The following ZFHX4 variants were observed in gnomAD, a reference collection of about 807,000 sequenced individuals.
The protein encoded by ZFHX4 is zinc finger homeobox 4, also known as zinc finger homeobox protein 4.
In ZFHX4, 56 loss-of-function variants were observed where a neutral mutation model predicts 267.6. That is an observed-to-expected ratio of 0.21 (90% CI 0.17 to 0.26). The LOEUF is 0.26. Among genes scored for constraint, ZFHX4 ranks in the 10% least tolerant of loss-of-function variants. ZFHX4 has a pLI of 1.00. For synonymous variants in ZFHX4, 1,778 were observed against 1,665.6 expected, an observed-to-expected ratio of 1.07 and a Z score of -1.64; for missense variants, 4,332 against 4,420.0, an observed-to-expected ratio of 0.98 and a Z score of 0.56.
intron 3 of ZFHX4, among the ~76,000 whole-genome samples, chr8:76,709,409 A>G (rs183311287): frequency 6.6e-6 from 1 of 152,312 alleles, no homozygotes; most frequent in Admixed American, 6.5e-5. Flanking sequence ...AAAATATAAT[A>G]TAAAGGATTA....
At chr8:76,738,214 G>A (rs1055079594) in intron 3 of ZFHX4, among the ~76,000 whole-genome samples, 1 of 152,070 alleles carries the variant, frequency 6.6e-6, no homozygotes, top group Non-Finnish European at 1.5e-5. Flanking sequence ...ACCCAGCCTT[G>A]CCCCTGAACC....
intron 4 of ZFHX4, among the ~76,000 whole-genome samples, chr8:76,795,265 A>T (rs1178127389): frequency 1.3e-5 from 2 of 152,012 alleles, no homozygotes; most frequent in African/African-American, 4.8e-5. Context: ...AGCCATATTA[A>T]TTTTTTTGTT....
chr8:76,712,553 G>A (rs1808454058), intron 3 of ZFHX4, among the ~76,000 whole-genome samples: 1 of 151,936 alleles, frequency 6.6e-6, no homozygotes, highest in African/African-American at 2.4e-5. Flanking sequence ...GTCCCGGTGT[G>A]ATGGTAAAGG....
At chr8:76,696,745 T>C (rs1243071351) in intron 1 of ZFHX4, among the ~76,000 whole-genome samples, 1 of 151,910 alleles carries the variant, frequency 6.6e-6, no homozygotes, top group Non-Finnish European at 1.5e-5. Flanking sequence ...CAATATTTCA[T>C]CTAGAAGAAA....
chr8:76,848,075 C>T (rs1812410743), intron 6 of ZFHX4, among the ~76,000 whole-genome samples: 1 of 152,044 alleles, frequency 6.6e-6, no homozygotes, highest in South Asian at 2.1e-4. Context: ...TAGAAATACT[C>T]ATAATAAACA....
At position 76,708,000 on chromosome 8, in the gene ZFHX4, C is replaced by T; in HGVS notation, c.3045C>T (p.Arg1015=). 6.2e-7 allele frequency: 1 copy of T among 1,613,946 alleles called. No homozygotes were observed. The highest frequency in any genetic ancestry group is 1.1e-5 in the South Asian group (1 of 91,084). Residue 1015 remains arginine, a synonymous_variant, in exon 3 of 11, where the codon CGC becomes CGT. Transcript: ENST00000651372. Reference sequence around the variant, plus strand: ...ACACCAACAGTGTGGATAAATTACGCTTGCATACCACCAATCACAGGCACG... The same window carrying T: ...ACACCAACAGTGTGGATAAATTACGTTTGCATACCACCAATCACAGGCACG... ...DYYTNSVDKL[R]LHTTNHRHEA... is the part of the protein sequence containing the mutation.
At chr8:76,780,578 G>A (rs1810521694) in intron 4 of ZFHX4, among the ~76,000 whole-genome samples, 1 of 152,084 alleles carries the variant, frequency 6.6e-6, no homozygotes, top group Non-Finnish European at 1.5e-5. Flanking sequence ...TTAGCAGTTG[G>A]CTCTTATCTA....
At chr8:76,715,505 A>G (rs1402210209) in intron 3 of ZFHX4, among the ~76,000 whole-genome samples, 1 of 150,818 alleles carries the variant, frequency 6.6e-6, no homozygotes, top group Admixed American at 6.6e-5. Flanking sequence ...AAAAAAAAAA[A>G]AAAGAAATGC....
intron 10 of ZFHX4, among the ~76,000 whole-genome samples, chr8:76,857,700 T>C (rs1257902777): frequency 6.6e-6 from 1 of 152,132 alleles, no homozygotes; most frequent in Non-Finnish European, 1.5e-5. Flanking sequence ...TCATACCAAC[T>C]TCCCTCACCC....
chr8:76,754,451 T>C (rs1003388927), intron 3 of ZFHX4, among the ~76,000 whole-genome samples: 1 of 151,974 alleles, frequency 6.6e-6, no homozygotes, highest in African/African-American at 2.4e-5. Context: ...ATTGCGCCAC[T>C]GCACTCCAGG....
At chr8:76,747,643 G>T (rs1415513620) in intron 3 of ZFHX4, among the ~76,000 whole-genome samples, 1 of 152,112 alleles carries the variant, frequency 6.6e-6, no homozygotes, top group African/African-American at 2.4e-5. Context: ...CAAAATGAAA[G>T]AATAAAGGCC....
At chr8:76,725,142 C>T (rs1001615661) in intron 3 of ZFHX4, among the ~76,000 whole-genome samples, 5 of 152,000 alleles carry the variant, frequency 3.3e-5, no homozygotes, top group African/African-American at 1.2e-4. Flanking sequence ...CCATACTTTT[C>T]TCCCAAATAC....
At chr8:76,699,204 A>AT in intron 1 of ZFHX4, among the ~76,000 whole-genome samples, 1 of 152,190 alleles carries the variant, frequency 6.6e-6, no homozygotes, top group Non-Finnish European at 1.5e-5. Flanking sequence ...CAAGTAAAAA[A>AT]GCTTGTTTGG....
chr8:76,718,007 C>A (rs138497783), intron 3 of ZFHX4, among the ~76,000 whole-genome samples: 2 of 152,320 alleles, frequency 1.3e-5, no homozygotes, highest in Non-Finnish European at 2.9e-5. Context: ...TCCTTAGGGT[C>A]TAAAATCATT....
intron 3 of ZFHX4, among the ~76,000 whole-genome samples, chr8:76,741,506 T>A (rs1195771544): frequency 6.6e-6 from 1 of 152,188 alleles, no homozygotes; most frequent in Admixed American, 6.5e-5. Context: ...TATCTCCAAG[T>A]ATAAAATCTC....
At chr8:76,729,111 A>G (rs75597890) in intron 3 of ZFHX4, among the ~76,000 whole-genome samples, 346 of 152,324 alleles carry the variant, frequency 2.3e-3, no homozygotes, top group African/African-American at 7.9e-3. Flanking sequence ...TTAACTAAAA[A>G]TCCTTTAATA....
At chr8:76,794,873 T>TTGTG (rs71277761) in intron 4 of ZFHX4, among the ~76,000 whole-genome samples, 14,604 of 143,038 alleles carry the variant, frequency 0.1, 719 homozygotes, top group African/African-American at 0.13. Flanking sequence ...TGGCCTGTCA[T>TTGTG]TGTGTGTGTG....
chr8:76,866,145 A>T lies in ZFHX4; in HGVS notation c.*1580A>T, dbSNP rs1813020416. On this transcript the variant is annotated 3_prime_UTR_variant, in exon 11 of 11. Coordinates refer to ENST00000651372, the MANE Select transcript of ZFHX4 (RefSeq NM_024721.5). ...AAGTAACAGAAGGTTATTTGTAAGA[A>T]AGTTAAAGGCTTGTGAACAAAGAAA... 6.6e-6 allele frequency: 1 copy of T among 152,668 alleles called. No homozygotes were observed. The highest frequency in any genetic ancestry group is 6.5e-5 in the Admixed American group (1 of 15,272). 9.5% of individuals were successfully genotyped at this position (152,668 alleles called of 1,614,324 possible). A position where few individuals can be genotyped will look rare whatever the true frequency, so the allele number is the denominator to read the frequency against.
Position 76,704,549 on chromosome 8 carries a change from C to T in ZFHX4, c.461C>T (p.Thr154Ile). The T allele has an allele frequency of 6.2e-7, 1 of 1,613,944 alleles. No homozygotes were observed. Among genetic ancestry groups the T allele is most frequent in the Non-Finnish European group, 8.5e-7 (1 of 1,179,866 alleles). Reference protein sequence around the residue: ...DSKESGQNAQTGANSKLFSTA... With the variant: ...DSKESGQNAQIGANSKLFSTA... ...AAAGAAAGTGGGCAGAATGCACAGA[C>T]TGGGGCAAATAGCAAACTCTTTTCT... Residue 154 changes from threonine to isoleucine, a missense_variant, in exon 2 of 11, where the codon ACT becomes ATT. By Grantham distance (89) the Thr-to-Ile change is moderately conservative. Around this residue, in one of 7 missense-constraint regions of ZFHX4, gnomAD observed 1,195 missense variants for 1,173.6 expected, o/e 1.02. Transcript: ENST00000651372.
Sources: gnomAD v4.1 joint callset for allele counts (sites outside exome capture counted in the v4.1 genomes callset) on GRCh38, gnomAD v4.1.1 for gene constraint, gnomAD v4.1.1 regional missense constraint, MANE v1.5 for transcripts, NCBI Gene and HGNC (gene_info 2026-07-23, HGNC 2026-07-21) for gene names.